The following CORIN variants were observed in gnomAD, a reference collection of about 807,000 sequenced individuals.
The protein encoded by CORIN is corin, serine peptidase.
A neutral mutation model predicts 125.3 loss-of-function variants in CORIN; 117 were observed. The ratio of observed to expected loss-of-function variants is 0.93; its 90% confidence interval spans 0.80 to 1.09. The LOEUF (loss-of-function observed/expected upper bound fraction) is 1.09. Ranked by LOEUF, CORIN falls within the 50% of genes least tolerant of loss-of-function variation. The pLI is 0.00. For missense variants in CORIN, 1,253 were observed against 1,306.7 expected (o/e 0.96, Z 0.63); for synonymous variants, 450 against 466.4 (o/e 0.96, Z 0.45).
intron 4 of CORIN, among the ~76,000 whole-genome samples, chr4:47,756,799 C>A (rs1022442968): frequency 1.3e-5 from 2 of 152,268 alleles, no homozygotes; most frequent in African/African-American, 4.8e-5. Context: ...CTGCAATGTA[C>A]TGGAACATAT....
chr4:47,805,148 A>AAATAATAATAATAAT (rs1553919339), intron 2 of CORIN, among the ~76,000 whole-genome samples: 86 of 129,148 alleles, frequency 6.7e-4, no homozygotes, highest in African/African-American at 2.3e-3. Flanking sequence ...AAAAAAAAAA[A>AAATAATAATAATAAT]AATAATAATA....
At chr4:47,669,234 G>A (rs569041851) in intron 10 of CORIN, among the ~76,000 whole-genome samples, 1 of 152,196 alleles carries the variant, frequency 6.6e-6, no homozygotes, top group Admixed American at 6.5e-5. Context: ...ACCTAAAGAT[G>A]GGATCGTTAA....
At chr4:47,786,277 G>A (rs1577921815) in intron 3 of CORIN, among the ~76,000 whole-genome samples, 1 of 152,054 alleles carries the variant, frequency 6.6e-6, no homozygotes, top group Middle Eastern at 3.2e-3. Context: ...GCTCACGCCT[G>A]TAATCCTGGC....
At chr4:47,789,746 C>G (rs1292461672) in intron 2 of CORIN, among the ~76,000 whole-genome samples, 2 of 152,028 alleles carry the variant, frequency 1.3e-5, no homozygotes, top group Admixed American at 1.3e-4. Context: ...AGAGGCCGGG[C>G]GCGGTGGCTC....
intron 3 of CORIN, among the ~76,000 whole-genome samples, chr4:47,768,606 A>G (rs1357587224): frequency 6.6e-6 from 1 of 152,206 alleles, no homozygotes; most frequent in Non-Finnish European, 1.5e-5. Context: ...ATTCAACAGC[A>G]CATTAAAAAG....
chr4:47,606,131 A>G lies in CORIN; in HGVS notation c.2541-2463T>C, dbSNP rs577994622. 2.6e-5 allele frequency among the ~76,000 whole-genome samples: 4 copies of G among 152,370 alleles called. No homozygotes were observed. In the East Asian group the frequency reaches 5.8e-4, roughly 22 times the overall value. On this transcript the variant is annotated intron_variant, in intron 19 of 21. Coordinates refer to ENST00000273857, the MANE Select transcript of CORIN (RefSeq NM_006587.4). ...GATTACAAGAATAAGCAAGAAAAGC[A>G]TGATTCCCTGCCTATACAAACATTG... is the stretch of plus-strand genomic sequence containing the variant.
chr4:47,619,421 A>G (rs1476198203), intron 19 of CORIN, among the ~76,000 whole-genome samples: 1 of 152,208 alleles, frequency 6.6e-6, no homozygotes, highest in Non-Finnish European at 1.5e-5. Context: ...AAAAGGGAGT[A>G]TGGCATACAA....
chr4:47,607,140 AG>A (rs1721679869), intron 19 of CORIN, among the ~76,000 whole-genome samples: 1 of 152,362 alleles, frequency 6.6e-6, no homozygotes, highest in East Asian at 1.9e-4. Flanking sequence ...TGTACCCAGT[AG>A]TCTCTTGTTA....
In CORIN at chr4:47,807,238, G is replaced by A. The variant is rs199988973; in HGVS notation, c.64-191C>T. On this transcript the variant is annotated intron_variant, in intron 1 of 21. Coordinates refer to ENST00000273857, the MANE Select transcript of CORIN (RefSeq NM_006587.4). ...CAGATAACTGTACATCTACATTCAGGGAAGAGCAAACTATCTATTTCTGAA... is the reference window on the plus strand; with the variant it reads ...CAGATAACTGTACATCTACATTCAGAGAAGAGCAAACTATCTATTTCTGAA... 4.6e-5 allele frequency among the ~76,000 whole-genome samples: 7 copies of A among 152,256 alleles called. No homozygotes were observed. In the East Asian group the frequency reaches 1.3e-3, roughly 29 times the overall value.
At chr4:47,778,996 A>C (rs1293709130) in intron 3 of CORIN, among the ~76,000 whole-genome samples, 1 of 152,196 alleles carries the variant, frequency 6.6e-6, no homozygotes, top group Non-Finnish European at 1.5e-5. Context: ...CTGTCTATGA[A>C]CTTGTATGGG....
At chr4:47,646,237 C>T (rs1369643970) in intron 13 of CORIN, among the ~76,000 whole-genome samples, 1 of 152,108 alleles carries the variant, frequency 6.6e-6, no homozygotes, top group Non-Finnish European at 1.5e-5. Flanking sequence ...ATGCATATCA[C>T]CTTAAAATGT....
At position 47,714,446 on chromosome 4, in the gene CORIN, G is replaced by A. The variant is rs536918487; in HGVS notation, c.800-21363C>T. Among the ~76,000 whole-genome samples the A allele has an allele frequency of 3.9e-5, 6 of 152,284 alleles. No homozygotes were observed. In the South Asian group the frequency reaches 1.2e-3, roughly 32 times the overall value. On this transcript the variant is annotated intron_variant, in intron 5 of 21. Coordinates refer to ENST00000273857, the MANE Select transcript of CORIN (RefSeq NM_006587.4). The stretch of plus-strand genomic sequence containing the variant: ...GTCCTGCTTCCAATCCCAGAAATGA[G>A]GAAACCAATGCTGGAGAGTAAACAT...
At chr4:47,812,478 C>T (rs1732104141) in intron 1 of CORIN, among the ~76,000 whole-genome samples, 1 of 152,120 alleles carries the variant, frequency 6.6e-6, no homozygotes, top group Admixed American at 6.5e-5. Flanking sequence ...GCACTGCAGC[C>T]TGGGAGACAG....
chr4:47,684,959 A>C (rs1410272677), intron 6 of CORIN, among the ~76,000 whole-genome samples: 1 of 152,202 alleles, frequency 6.6e-6, no homozygotes, highest in African/African-American at 2.4e-5. Context: ...GGCAAATTAA[A>C]ACCACAAGAA....
intron 4 of CORIN, among the ~76,000 whole-genome samples, chr4:47,760,877 A>G (rs1019199224): frequency 6.6e-6 from 1 of 152,204 alleles, no homozygotes; most frequent in African/African-American, 2.4e-5. Flanking sequence ...TTGTTACGTC[A>G]TCTTGCACAT....
intron 6 of CORIN, among the ~76,000 whole-genome samples, chr4:47,687,210 C>T (rs1725559978): frequency 6.6e-6 from 1 of 152,194 alleles, no homozygotes; most frequent in South Asian, 2.1e-4. Context: ...GATTAGTAAA[C>T]ACGCAAAACC....
At chr4:47,726,362 A>C (rs1292293469) in intron 5 of CORIN, among the ~76,000 whole-genome samples, 17 of 152,138 alleles carry the variant, frequency 1.1e-4, no homozygotes, top group Non-Finnish European at 1.5e-5. Context: ...ATGGAATACT[A>C]GTAAGCATTA....
intron 5 of CORIN, among the ~76,000 whole-genome samples, chr4:47,723,150 C>A (rs549249904): frequency 6.6e-6 from 1 of 152,286 alleles, no homozygotes; most frequent in African/African-American, 2.4e-5. Flanking sequence ...TGTACTCATG[C>A]AACAGTGGCA....
chr4:47,615,499 C>A (rs1441656515), intron 19 of CORIN, among the ~76,000 whole-genome samples: 1 of 152,126 alleles, frequency 6.6e-6, no homozygotes, highest in Non-Finnish European at 1.5e-5. Flanking sequence ...GAAATAGGGA[C>A]TTTATGGAGG....
Sources: allele counts gnomAD v4.1 joint callset (sites outside exome capture counted in the v4.1 genomes callset), GRCh38; gene constraint gnomAD v4.1.1; transcripts MANE v1.5; gene names NCBI Gene and HGNC (gene_info 2026-07-23, HGNC 2026-07-21).